The following MIB2 variants were observed in gnomAD, a reference collection of about 807,000 sequenced individuals.
MIB2 encodes the protein E3 ubiquitin-protein ligase MIB2.
In MIB2, 78 loss-of-function variants were observed where a neutral mutation model predicts 96.6. That is an observed-to-expected ratio of 0.81 (90% CI 0.67 to 0.97). The LOEUF is 0.97. Among genes scored for constraint, MIB2 ranks in the 50% least tolerant of loss-of-function variants. The pLI is 0.00. For synonymous variants in MIB2, 820 were observed against 629.5 expected (o/e 1.30, Z -4.53); for missense variants, 1,543 against 1,424.0 (o/e 1.08, Z -1.35).
chr1:1,614,636 G>A (rs1247978595), upstream of MIB2: 1 of 152,242 alleles, frequency 6.6e-6, no homozygotes, highest in Non-Finnish European at 1.5e-5. Context: ...GACAGTTTGG[G>A]AGCTAACAGG....
chr1:1,629,309 C>A lies in MIB2; in HGVS notation c.2379C>A (p.Phe793Leu). ...CCCTTCAGGGCTGCGCCCAGCGCTT[C>A]CGGTGAGTCCGTGGACGGCGGGGAT... ...LKALQGCAQR[F>L]RERQAGGGAA... Residue 793 changes from phenylalanine to leucine, a missense_variant and splice_region_variant, in exon 17 of 20, where the codon TTC (phenylalanine) becomes TTA (leucine). Physicochemically the swap from Phe to Leu is conservative, Grantham distance 22. Coordinates refer to ENST00000355826, the MANE Select transcript of MIB2 (RefSeq NM_001170687.4). The A allele has an allele frequency of 6.7e-7, 1 of 1,489,834 alleles. No individual in the cohort carries two copies. The highest frequency in any genetic ancestry group is 1.5e-5 in the African/African-American group (1 of 68,190). The allele number at this position is 1,489,834 out of a possible 1,614,324, so 92.3% of individuals were successfully genotyped here. A position where few individuals can be genotyped will look rare whatever the true frequency, so the allele number is the denominator to read the frequency against.
rs1056603649 is a variant in MIB2 at position 1,625,708 on chromosome 1, G to A, written c.972+55G>A. 3.4e-5 allele frequency: 49 copies of A among 1,442,904 alleles called. No homozygotes were observed. Among genetic ancestry groups the A allele is most frequent in the Admixed American group, 9.9e-5 (5 of 50,308 alleles). The allele number at this position is 1,442,904 out of a possible 1,614,324, so 89.4% of individuals were successfully genotyped here. On this transcript the variant is annotated intron_variant, in intron 8 of 19. Coordinates refer to ENST00000355826, the MANE Select transcript of MIB2 (RefSeq NM_001170687.4). The surrounding 1 kb of genome is among the most constrained non-coding windows in gnomAD (Gnocchi z 5.0). ...TGCTTGCTTCTGTAACCCCTTCCACGTACCCCCTTGGCCTTGGGGGGTCAG... is the reference window on the plus strand; with the variant it reads ...TGCTTGCTTCTGTAACCCCTTCCACATACCCCCTTGGCCTTGGGGGGTCAG...
At chr1:1,623,268 C>A in intron 2 of MIB2, 163 bp from the exon 3 acceptor site, 1 of 1,222,806 alleles carries the variant, frequency 8.2e-7, no homozygotes, top group Non-Finnish European at 1.1e-6. Context: ...AGACTGCGGG[C>A]CTCCTTGGGC....
At chr1:1,616,354 C>T in intron 1 of MIB2, 154 bp from the exon 2 acceptor site, 1 of 595,770 alleles carries the variant, frequency 1.7e-6, no homozygotes, top group South Asian at 2.6e-5. Context: ...CGCTCAGACC[C>T]CAGGGAGCCC....
Position 1,627,452 on chromosome 1 carries a change from C to T in MIB2, c.1523+8C>T, listed in dbSNP as rs373837975. On this transcript the variant is annotated splice_region_variant and intron_variant, in intron 12 of 19. Transcript: ENST00000355826. ...GCACTACGCGGCCCTGGGGTGAGGC[C>T]TGGGAGGGGCCCGGCCGGCGGGGCT... 4.1e-5 allele frequency: 66 copies of T among 1,601,202 alleles called. No individual in the cohort carries two copies. Among genetic ancestry groups the T allele is most frequent in the African/African-American group, 8.1e-5 (6 of 74,364 alleles).
rs1471479664 is a variant in MIB2, at chr1:1,630,287, C to G, written c.2630-5C>G. On this transcript the variant is annotated splice_region_variant and splice_polypyrimidine_tract_variant and intron_variant, in intron 19 of 19. Transcript: ENST00000355826. ...CCCAGCTCACACCCGTCCCCCACCC[C>G]GCAGACGGCTCTGAGGTGGCGAGCG... is the stretch of plus-strand genomic sequence containing the variant. 1.1e-5 allele frequency: 16 copies of G among 1,488,476 alleles called. No homozygotes were observed. Among genetic ancestry groups the G allele is most frequent in the Admixed American group, 2.1e-5 (1 of 47,620 alleles). 92.2% of individuals were successfully genotyped at this position (1,488,476 alleles called of 1,614,324 possible).
intron 2 of MIB2, among the ~76,000 whole-genome samples, chr1:1,620,564 GGGTCTGCAAC>G (rs1296606534): frequency 1.3e-5 from 2 of 152,184 alleles, no homozygotes; most frequent in Non-Finnish European, 2.9e-5. Context: ...GCAGGGGGTG[GGGTCTGCAAC>G]CCTAAGGAGC....
rs892574934 is a variant in MIB2 at position 1,626,331 on chromosome 1, C to T, written c.973-319C>T. The T allele has an allele frequency of 4.8e-6, 2 of 415,192 alleles. No homozygotes were observed. Among genetic ancestry groups the T allele is most frequent in the East Asian group, 4.0e-5 (1 of 25,184 alleles). 25.7% of individuals were successfully genotyped at this position (415,192 alleles called of 1,614,324 possible). The stretch of plus-strand genomic sequence containing the variant: ...CCCCACCCCCACGCTGGCTCACGGG[C>T]CCTGGCCATGTTGCCTGCTGCTGGT... On this transcript the variant is annotated intron_variant, in intron 8 of 19. Coordinates refer to ENST00000355826, the MANE Select transcript of MIB2 (RefSeq NM_001170687.4). The surrounding 1 kb of genome is among the most constrained non-coding windows in gnomAD (Gnocchi z 5.3).
chr1:1,624,104 C>A (rs1349134870), intron 4 of MIB2, 159 bp downstream of exon 4: 1 of 909,464 alleles, frequency 1.1e-6, no homozygotes, highest in Non-Finnish European at 1.6e-6. Flanking sequence ...ATGGGCAGGG[C>A]ACAGAGGGTG....
rs578003652 is a variant in MIB2, at chr1:1,622,479, C to T, written c.-22-952C>T. Among the ~76,000 whole-genome samples the T allele has an allele frequency of 5.9e-5, 9 of 152,244 alleles. No individual in the cohort carries two copies. The East Asian group carries it at 1.4e-3, about 23-fold the overall frequency. On this transcript the variant is annotated intron_variant, in intron 2 of 19. Transcript: ENST00000355826. ...ACTGGGGATTAGCAGTCCTGGGCCT[C>T]GAGCCCTGTGGCTGACTCCATCCCT...
rs752804806 is a variant in MIB2 at position 1,629,162 on chromosome 1, G to A, written c.2232G>A (p.Ala744=). 6.7e-6 allele frequency: 10 copies of A among 1,502,602 alleles called. No homozygotes were observed. The highest frequency in any genetic ancestry group is 5.0e-5 in the South Asian group (4 of 80,606). The allele number at this position is 1,502,602 out of a possible 1,614,324, so 93.1% of individuals were successfully genotyped here. ...AGGCCTCGGGCCTCCCCGGCAGCGCGGAGCTGACGGTGGGCGCGGCGGTCG... is the reference window on the plus strand; with the variant it reads ...AGGCCTCGGGCCTCCCCGGCAGCGCAGAGCTGACGGTGGGCGCGGCGGTCG... ...RLQASGLPGS[A]ELTVGAAVAC... is the part of the protein sequence containing the mutation. The change falls in exon 17 of 20, where the codon GCG becomes GCA. Residue 744 remains alanine (A), a synonymous_variant. Transcript: ENST00000355826.
Position 1,628,117 on chromosome 1 carries a change from T to C in MIB2, c.1779T>C (p.Val593=). 1 of 1,613,326 alleles carries C rather than the reference T, an allele frequency of 6.2e-7. No individual in the cohort carries two copies. The highest frequency in any genetic ancestry group is 8.5e-7 in the Non-Finnish European group (1 of 1,179,974). The change falls in exon 14 of 20, where the codon GTT becomes GTC. Residue 593 remains valine (V), a synonymous_variant. Transcript: ENST00000355826. ...EVLTEVPNID[V]TATNSQGFTL... ...TCACGGAGGTGCCAAACATCGATGT[T>C]ACCGCCACCAACAGCCAGGGTTTCA...
Position 1,627,303 on chromosome 1 carries a change from C to T in MIB2, c.1382C>T (p.Thr461Ile), listed in dbSNP as rs1369572434. 2 of 1,613,202 alleles carry T rather than the reference C, an allele frequency of 1.2e-6. No individual in the cohort carries two copies. Among genetic ancestry groups the T allele is most frequent in the South Asian group, 1.1e-5 (1 of 91,088 alleles). ...TGCTGGCACTCTTGGCAGGTGGACACCAAGAACCAAGGCAGGACCGCTCTG... is the reference window on the plus strand; with the variant it reads ...TGCTGGCACTCTTGGCAGGTGGACATCAAGAACCAAGGCAGGACCGCTCTG... Reference protein sequence around the residue: ...LLRRRPEQVDTKNQGRTALQV... With the variant: ...LLRRRPEQVDIKNQGRTALQV... Residue 461 changes from threonine to isoleucine, a missense_variant, in exon 12 of 20, where the codon ACC becomes ATC. Coordinates refer to ENST00000355826, the MANE Select transcript of MIB2 (RefSeq NM_001170687.4).
At chr1:1,627,632 C>G (rs114161393) in intron 12 of MIB2, 41 bp from the exon 13 acceptor site, 13 of 1,564,288 alleles carry the variant, frequency 8.3e-6, no homozygotes, top group African/African-American at 1.4e-5. Flanking sequence ...GTCCAGCCAC[C>G]GGGCCCGGCG....
Position 1,623,759 on chromosome 1 carries a change from C to T in MIB2, c.248-15C>T. On this transcript the variant is annotated splice_polypyrimidine_tract_variant and intron_variant, in intron 3 of 19. Coordinates refer to ENST00000355826, the MANE Select transcript of MIB2 (RefSeq NM_001170687.4). ...CGGGGGCGGGAACGCCCCTCTGACC[C>T]CACCCCACCCCCAGGCGTCCGGCAC... The T allele has an allele frequency of 6.3e-7, 1 of 1,578,402 alleles. No homozygotes were observed. The highest frequency in any genetic ancestry group is 8.6e-7 in the Non-Finnish European group (1 of 1,163,792).
At position 1,629,219 on chromosome 1, in the gene MIB2, G is replaced by T. The variant is rs1232596953; in HGVS notation, c.2289G>T (p.Val763=). Residue 763 remains valine (V), a synonymous_variant, in exon 17 of 20, where the codon GTG becomes GTT. Coordinates refer to ENST00000355826, the MANE Select transcript of MIB2 (RefSeq NM_001170687.4). ...ACFLALEGAD[V]SYTNHRGRSP... ...TCCTGGCGCTGGAGGGCGCCGACGT[G>T]AGCTACACCAACCACCGCGGTCGGA... The T allele has an allele frequency of 1.3e-6, 2 of 1,540,296 alleles. No individual in the cohort carries two copies. The highest frequency in any genetic ancestry group is 1.7e-6 in the Non-Finnish European group (2 of 1,153,560).
chr1:1,627,896 C>G (rs1395683704), intron 13 of MIB2, 67 bp downstream of exon 13: 6 of 1,595,098 alleles, frequency 3.8e-6, no homozygotes, highest in East Asian at 2.3e-5. Flanking sequence ...TGGGTTCCCT[C>G]TGCCCATGTG....
chr1:1,628,435 G>C, intron 15 of MIB2, 36 bp downstream of exon 15: 1 of 1,602,678 alleles, frequency 6.2e-7, no homozygotes, highest in East Asian at 2.2e-5. Flanking sequence ...AAGGACCGGG[G>C]AGCGGGAGGC....
chr1:1,628,590 TG>T lies in MIB2; in HGVS notation c.2073del (p.Cys692AlafsTer55). 6.2e-7 allele frequency: 1 copy of T among 1,601,082 alleles called. No homozygotes were observed. Among genetic ancestry groups the T allele is most frequent in the Non-Finnish European group, 8.5e-7 (1 of 1,177,960 alleles). The part of the protein sequence containing the change: ...VGLVPLLVDA[G>X]CSVNAEDEEG... ...GGCTGGTGCCGCTACTGGTGGACGC[TG>T]GGTGCAGTGTCAACGCCGAGGACGA... is the stretch of plus-strand genomic sequence containing the variant. On this transcript the variant is annotated frameshift_variant, in exon 16 of 20. Coordinates refer to ENST00000355826, the MANE Select transcript of MIB2 (RefSeq NM_001170687.4). LOFTEE classifies it high-confidence loss of function.
Sources: allele counts gnomAD v4.1 joint callset (sites outside exome capture counted in the v4.1 genomes callset), GRCh38; gene constraint gnomAD v4.1.1; non-coding constraint Gnocchi (gnomAD v3.1); transcripts MANE v1.5; gene names NCBI Gene and HGNC (gene_info 2026-07-23, HGNC 2026-07-21).